ZNF536: variants seen among roughly 807,000 people sequenced by gnomAD.
ZNF536 encodes the protein zinc finger protein 536.
ZNF536 carries 13 observed loss-of-function variants against 84.5 expected under a neutral mutation model. The ratio of observed to expected loss-of-function variants is 0.15; its 90% confidence interval spans 0.10 to 0.24. The LOEUF (loss-of-function observed/expected upper bound fraction) is 0.24. Ranked by LOEUF, ZNF536 falls within the 10% of genes least tolerant of loss-of-function variation. The pLI, the probability that ZNF536 is intolerant of heterozygous loss-of-function variation, is 1.00. For missense variants in ZNF536, 1,536 were observed against 1,747.5 expected (o/e 0.88, Z 2.16); for synonymous variants, 811 against 742.5 (o/e 1.09, Z -1.50).
chr19:30,519,157 C>T (rs1407895697), intron 2 of ZNF536, among the ~76,000 whole-genome samples: 2 of 152,260 alleles, frequency 1.3e-5, no homozygotes, highest in African/African-American at 4.8e-5. Flanking sequence ...AACACCTGCG[C>T]AGCCTATCGC....
At chr19:30,530,808 C>G (rs2044777062) in intron 2 of ZNF536, among the ~76,000 whole-genome samples, 1 of 152,208 alleles carries the variant, frequency 6.6e-6, no homozygotes. Flanking sequence ...GACGCCAGTG[C>G]TTTTATACTC....
At chr19:30,304,550 C>T (rs764329786) in intron 2 of ZNF536, among the ~76,000 whole-genome samples, 5 of 152,170 alleles carry the variant, frequency 3.3e-5, no homozygotes, top group Non-Finnish European at 4.4e-5. Context: ...TGGACCTCTG[C>T]GGGGGCCAAC....
chr19:30,304,762 C>G (rs1428551090), intron 2 of ZNF536, among the ~76,000 whole-genome samples: 3 of 152,192 alleles, frequency 2.0e-5, no homozygotes, highest in Non-Finnish European at 4.4e-5. Flanking sequence ...GCCTGGGGCT[C>G]ACAGAACTGC....
chr19:30,386,075 A>G (rs983801717), intron 1 of ZNF536, among the ~76,000 whole-genome samples: 2 of 152,168 alleles, frequency 1.3e-5, no homozygotes, highest in East Asian at 1.9e-4. Context: ...AGGCCCCTCA[A>G]TACTGGTCCC....
At position 30,518,102 on chromosome 19, in the gene ZNF536, C is replaced by G. The variant is rs73536760; in HGVS notation, c.2171-16745C>G. 6.5e-3 allele frequency among the ~76,000 whole-genome samples: 990 copies of G among 152,226 alleles called. 13 individuals carry two copies. Among genetic ancestry groups the G allele is most frequent in the African/African-American group, 0.023 (948 of 41,548 alleles). On this transcript the variant is annotated intron_variant, in intron 2 of 4. Coordinates refer to ENST00000355537, the MANE Select transcript of ZNF536 (RefSeq NM_014717.3). ...TGCATGCCAGTGACCAGATCAGCCT[C>G]TCTGTGGCTTTGAACCCAGGGTGCA... is the stretch of plus-strand genomic sequence containing the variant.
At chr19:30,227,346 T>C (rs1343039338), upstream of ZNF536, among the ~76,000 whole-genome samples, 1 of 150,410 alleles carries the variant, frequency 6.6e-6, no homozygotes, top group Non-Finnish European at 1.5e-5. Flanking sequence ...CCGAGTTAGG[T>C]GGAGGATTGG....
chr19:30,424,841 G>A (rs1784912924), intron 1 of ZNF536, among the ~76,000 whole-genome samples: 1 of 152,180 alleles, frequency 6.6e-6, no homozygotes, highest in African/African-American at 2.4e-5. Context: ...AGAAATGCAT[G>A]CTTGGTGACC....
chr19:30,498,972 C>G (rs1037013000), intron 2 of ZNF536, among the ~76,000 whole-genome samples: 1 of 152,100 alleles, frequency 6.6e-6, no homozygotes, highest in African/African-American at 2.4e-5. Context: ...CTTTAGGTGA[C>G]AGTGCCAAGA....
At position 30,410,116 on chromosome 19, in the gene ZNF536, T is replaced by C. The variant is rs142266674; in HGVS notation, c.-2-33445T>C. 5.3e-5 allele frequency among the ~76,000 whole-genome samples: 8 copies of C among 152,318 alleles called. No individual in the cohort carries two copies. The East Asian group carries it at 1.5e-3, about 29-fold the overall frequency. ...TAATGAGATAAAGGGATTTAAGTGA[T>C]TAAATCTTTTAATGTATTCCTTTAC... On this transcript the variant is annotated intron_variant, in intron 1 of 4. Transcript: ENST00000355537.
intron 1 of ZNF536, among the ~76,000 whole-genome samples, chr19:30,672,622 G>A (rs2050600074): frequency 6.6e-6 from 1 of 152,136 alleles, no homozygotes; most frequent in African/African-American, 2.4e-5. Context: ...AAGAGCATGG[G>A]GGAGAATGAT....
intron 1 of ZNF536, among the ~76,000 whole-genome samples, chr19:30,677,931 G>A (rs2050814323): frequency 6.6e-6 from 1 of 152,136 alleles, no homozygotes; most frequent in Admixed American, 6.5e-5. Context: ...GGCACAGGTA[G>A]CCCCCAGCTA....
At chr19:30,276,653 C>A (rs189897054) in intron 1 of ZNF536, among the ~76,000 whole-genome samples, 1 of 152,222 alleles carries the variant, frequency 6.6e-6, no homozygotes, top group Non-Finnish European at 1.5e-5. Flanking sequence ...TGTTTGAATA[C>A]CATGTGTTAG....
chr19:30,275,236 C>T (rs1170120277), intron 1 of ZNF536, among the ~76,000 whole-genome samples: 1 of 152,150 alleles, frequency 6.6e-6, no homozygotes, highest in African/African-American at 2.4e-5. Context: ...AGCTTGGCAG[C>T]TTGTTAGCCA....
intron 1 of ZNF536, among the ~76,000 whole-genome samples, chr19:30,699,471 A>C (rs1407258406): frequency 2.6e-5 from 4 of 152,220 alleles, no homozygotes; most frequent in Non-Finnish European, 2.9e-5. Context: ...AGGAAATTTG[A>C]AACCTAAATT....
At chr19:30,635,262 G>A (rs956883251) in intron 1 of ZNF536, among the ~76,000 whole-genome samples, 2 of 152,250 alleles carry the variant, frequency 1.3e-5, no homozygotes, top group South Asian at 2.1e-4. Flanking sequence ...ATTGGAGATG[G>A]TGCAGTGTTG....
chr19:30,320,876 G>A (rs1355728105), intron 2 of ZNF536, among the ~76,000 whole-genome samples: 1 of 152,096 alleles, frequency 6.6e-6, no homozygotes, highest in African/African-American at 2.4e-5. Context: ...AAAAACAGAG[G>A]CACATTCCAC....
At chr19:30,620,287 A>G (rs1200356438) in intron 1 of ZNF536, among the ~76,000 whole-genome samples, 1 of 152,158 alleles carries the variant, frequency 6.6e-6, no homozygotes, top group African/African-American at 2.4e-5. Context: ...TTTAAAATAA[A>G]GGTTCTGGGT....
At chr19:30,439,222 C>T (rs2051896490) in intron 1 of ZNF536, among the ~76,000 whole-genome samples, 1 of 152,152 alleles carries the variant, frequency 6.6e-6, no homozygotes, top group African/African-American at 2.4e-5. Context: ...TTATCTTTTC[C>T]CCAGCTTTGC....
chr19:30,527,990 G>C (rs1197000502), intron 2 of ZNF536, among the ~76,000 whole-genome samples: 1 of 152,176 alleles, frequency 6.6e-6, no homozygotes. Context: ...AATGAAGTGA[G>C]AGCTGTGATT....
Sources: allele counts gnomAD v4.1 joint callset (sites outside exome capture counted in the v4.1 genomes callset), GRCh38; gene constraint gnomAD v4.1.1; transcripts MANE v1.5; gene names NCBI Gene and HGNC (gene_info 2026-07-23, HGNC 2026-07-21).